The following GRIK4 variants were observed in gnomAD, a reference collection of about 807,000 sequenced individuals.
GRIK4 encodes the protein glutamate ionotropic receptor kainate type subunit 4.
Under a neutral mutation model 104.9 loss-of-function variants are expected in GRIK4, and 40 were observed. The observed-to-expected ratio is 0.38, with a 90% confidence interval of 0.30 to 0.50. The LOEUF is 0.50. Among genes scored for constraint, GRIK4 ranks in the 20% least tolerant of loss-of-function variants. The pLI, the probability that GRIK4 is intolerant of heterozygous loss-of-function variation, is 0.93. For missense variants in GRIK4, 1,047 were observed against 1,308.1 expected (o/e 0.80, Z 3.08); for synonymous variants, 485 against 524.9 (o/e 0.92, Z 1.04).
chr11:120,813,304 C>T (rs912349851), intron 4 of GRIK4, among the ~76,000 whole-genome samples: 6 of 152,074 alleles, frequency 3.9e-5, no homozygotes, highest in Non-Finnish European at 8.8e-5. Flanking sequence ...GGTGCTGTGT[C>T]CTTACCAGTA....
At chr11:120,857,169 C>T (rs1954126543) in intron 8 of GRIK4, among the ~76,000 whole-genome samples, 2 of 152,210 alleles carry the variant, frequency 1.3e-5, no homozygotes, top group African/African-American at 4.8e-5. Flanking sequence ...CTCCACCTGT[C>T]TGGGGCCATG....
chr11:120,875,374 C>A (rs140310662), intron 11 of GRIK4, 131 bp downstream of exon 11: 2 of 670,516 alleles, frequency 3.0e-6, no homozygotes, highest in South Asian at 1.7e-5. Flanking sequence ...GGGCAAGGCT[C>A]CTGACCTGCA....
At chr11:120,976,630 A>G (rs1261961440) in intron 19 of GRIK4, among the ~76,000 whole-genome samples, 1 of 152,218 alleles carries the variant, frequency 6.6e-6, no homozygotes. Context: ...CCAGTGTGGC[A>G]CAGAGCTTCA....
At chr11:120,782,244 G>A (rs1952171804) in intron 3 of GRIK4, among the ~76,000 whole-genome samples, 2 of 151,116 alleles carry the variant, frequency 1.3e-5, no homozygotes, top group South Asian at 4.2e-4. Flanking sequence ...TATTTCCAAT[G>A]CTTGGAACCA....
intron 1 of GRIK4, among the ~76,000 whole-genome samples, chr11:120,637,284 A>G (rs796376665): frequency 1.3e-5 from 2 of 152,184 alleles, no homozygotes; most frequent in African/African-American, 4.8e-5. Context: ...CCAGCAAGCG[A>G]CACAGTGGAA....
intron 7 of GRIK4, among the ~76,000 whole-genome samples, chr11:120,835,588 T>C (rs941451127): frequency 6.6e-6 from 1 of 152,094 alleles, no homozygotes; most frequent in East Asian, 1.9e-4. Context: ...CCTTGGGAGA[T>C]GAACACTATG....
At chr11:120,664,019 G>T (rs1949863305) in intron 3 of GRIK4, among the ~76,000 whole-genome samples, 2 of 152,198 alleles carry the variant, frequency 1.3e-5, no homozygotes, top group Non-Finnish European at 2.9e-5. Context: ...AACTCCATGG[G>T]AGAGTGATCC....
chr11:120,801,197 G>T (rs953128139), intron 3 of GRIK4, among the ~76,000 whole-genome samples: 6 of 152,098 alleles, frequency 3.9e-5, no homozygotes, highest in African/African-American at 1.4e-4. Flanking sequence ...ATTTTTTTGT[G>T]TATGTCTGGC....
chr11:120,912,966 C>T (rs1029554567), intron 13 of GRIK4, among the ~76,000 whole-genome samples: 1 of 152,202 alleles, frequency 6.6e-6, no homozygotes, highest in Non-Finnish European at 1.5e-5. Context: ...GGAACCAGCA[C>T]AGTCAGGCAA....
intron 1 of GRIK4, among the ~76,000 whole-genome samples, chr11:120,641,964 C>T (rs1949476518): frequency 1.3e-5 from 2 of 152,212 alleles, no homozygotes; most frequent in Non-Finnish European, 1.5e-5. Context: ...GGAGTCTTCT[C>T]TGACCACCCC....
At chr11:120,894,853 C>T (rs1565422561) in intron 11 of GRIK4, 1 of 152,198 alleles carries the variant, frequency 6.6e-6, no homozygotes, top group African/African-American at 2.4e-5. Flanking sequence ...GGGCAATTAG[C>T]CTGTATCCCA....
intron 3 of GRIK4, among the ~76,000 whole-genome samples, chr11:120,690,876 G>A (rs930171260): frequency 2.0e-5 from 3 of 152,110 alleles, no homozygotes; most frequent in African/African-American, 2.4e-5. Context: ...GCTCTGTCTC[G>A]CATATTTATG....
intron 3 of GRIK4, among the ~76,000 whole-genome samples, chr11:120,667,797 C>T (rs933426395): frequency 3.3e-5 from 5 of 152,228 alleles, no homozygotes; most frequent in African/African-American, 4.8e-5. Flanking sequence ...TGCAGATGTG[C>T]ACGCAGTGGC....
chr11:120,863,733 T>A (rs899823712), intron 9 of GRIK4, among the ~76,000 whole-genome samples: 2 of 152,236 alleles, frequency 1.3e-5, no homozygotes, highest in Non-Finnish European at 1.5e-5. Context: ...TCTATACACT[T>A]GGCATCTAAT....
At chr11:120,829,330 G>A (rs571282576) in intron 6 of GRIK4, among the ~76,000 whole-genome samples, 2 of 152,214 alleles carry the variant, frequency 1.3e-5, no homozygotes, top group African/African-American at 4.8e-5. Flanking sequence ...GGAAGAGGCG[G>A]TAAATACTCT....
At chr11:120,724,816 G>A (rs1023666150) in intron 3 of GRIK4, among the ~76,000 whole-genome samples, 6 of 152,156 alleles carry the variant, frequency 3.9e-5, no homozygotes, top group Admixed American at 1.3e-4. Flanking sequence ...TACCAAAATT[G>A]TGCACCATTT....
intron 3 of GRIK4, among the ~76,000 whole-genome samples, chr11:120,745,085 C>T (rs144925761): frequency 2.6e-5 from 4 of 152,238 alleles, no homozygotes; most frequent in Non-Finnish European, 4.4e-5. Flanking sequence ...TGGGAATGAC[C>T]GTCCCACCTC....
intron 3 of GRIK4, among the ~76,000 whole-genome samples, chr11:120,758,175 C>T (rs1252450844): frequency 6.6e-6 from 1 of 152,140 alleles, no homozygotes; most frequent in African/African-American, 2.4e-5. Context: ...ACAGTGGGTG[C>T]AAGACCCTAC....
intron 1 of GRIK4, among the ~76,000 whole-genome samples, chr11:120,621,538 T>G (rs1949189730): frequency 6.6e-6 from 1 of 152,180 alleles, no homozygotes; most frequent in Non-Finnish European, 1.5e-5. Flanking sequence ...AGGGAGGGTC[T>G]GGGCCATCAG....
Sources: gnomAD v4.1 joint callset for allele counts (sites outside exome capture counted in the v4.1 genomes callset) on GRCh38, gnomAD v4.1.1 for gene constraint, MANE v1.5 for transcripts, NCBI Gene and HGNC (gene_info 2026-07-23, HGNC 2026-07-21) for gene names.